Variants in EP400 observed in about 807,000 individuals in gnomAD.
EP400 encodes E1A binding protein p400, also known as E1A-binding protein p400.
In EP400, 105 loss-of-function variants were observed where a neutral mutation model predicts 354.1. The ratio of observed to expected loss-of-function variants is 0.30; its 90% confidence interval spans 0.25 to 0.35. The LOEUF (loss-of-function observed/expected upper bound fraction) is 0.35, where lower values mean the gene tolerates loss of function less well. Ranked by LOEUF, EP400 falls within the 10% of genes least tolerant of loss-of-function variation. The pLI, the probability that EP400 is intolerant of heterozygous loss-of-function variation, is 1.00. For missense variants in EP400, 3,280 were observed against 4,121.0 expected (o/e 0.80, Z 5.59); for synonymous variants, 1,646 against 1,716.9 (o/e 0.96, Z 1.02).
chr12:131,967,425 T>C (rs541360522), intron 2 of EP400, among the ~76,000 whole-genome samples: 1 of 151,062 alleles, frequency 6.6e-6, no homozygotes, highest in African/African-American at 2.4e-5. Context: ...CAGTGGCTCA[T>C]GCCTGTAATC....
Position 132,006,293 on chromosome 12 carries a change from C to G in EP400, c.3117C>G (p.Val1039=), listed in dbSNP as rs1051046685. Reference sequence around the variant, plus strand: ...TCCTGCCGAAGGGCAGTGCTCGGGTCACAACCTCGGTGAGGCGCTAAGCTT... The same window carrying G: ...TCCTGCCGAAGGGCAGTGCTCGGGTGACAACCTCGGTGAGGCGCTAAGCTT... ...EAILPKGSAR[V]TTSVKFNAPS... The change falls in exon 14 of 53, where the codon GTC becomes GTG. Residue 1039 remains valine (V), a synonymous_variant. Coordinates refer to ENST00000389561, the MANE Select transcript of EP400 (RefSeq NM_015409.5). The G allele has an allele frequency of 1.1e-5, 17 of 1,613,954 alleles. No individual in the cohort carries two copies. Among genetic ancestry groups the G allele is most frequent in the Non-Finnish European group, 1.4e-5 (16 of 1,179,970 alleles).
At position 132,029,407 on chromosome 12, in the gene EP400, G is replaced by A. The variant is rs1894411762; in HGVS notation, c.5382-294G>A. On this transcript the variant is annotated intron_variant, in intron 27 of 52. Transcript: ENST00000389561. The surrounding 1 kb of genome is among the most constrained non-coding windows in gnomAD (Gnocchi z 4.7). ...GCTGAAGACACACTAGAAAGAGAAT[G>A]GCTTATCTCTGACCTGGTGCCTGCG... The A allele has an allele frequency of 1.2e-5, 6 of 480,428 alleles. No individual in the cohort carries two copies. The highest frequency in any genetic ancestry group is 2.2e-5 in the Non-Finnish European group (6 of 268,462). The allele number at this position is 480,428 out of a possible 1,614,324, so 29.8% of individuals were successfully genotyped here. A position where few individuals can be genotyped will look rare whatever the true frequency, so the allele number is the denominator to read the frequency against.
intron 2 of EP400, among the ~76,000 whole-genome samples, chr12:131,975,163 C>T (rs79504895): frequency 1.4e-3 from 211 of 152,212 alleles, no homozygotes; most frequent in African/African-American, 4.9e-3. Flanking sequence ...TGTCCTGAGT[C>T]CTCTGGGAAG....
At chr12:132,064,568 T>C (rs1895824438) in intron 47 of EP400, 100 bp from the exon 48 acceptor site, 1 of 1,470,040 alleles carries the variant, frequency 6.8e-7, no homozygotes, top group Non-Finnish European at 9.1e-7. Flanking sequence ...TCTGCTTTGG[T>C]ATTTAATGGG....
chr12:131,963,578 C>T, intron 2 of EP400: 1 of 1,598,490 alleles, frequency 6.3e-7, no homozygotes, highest in Non-Finnish European at 8.5e-7. Flanking sequence ...ACTCCCGTTG[C>T]TATAGCAACC....
intron 51 of EP400, among the ~76,000 whole-genome samples, chr12:132,074,724 A>G (rs1257028081): frequency 1.3e-5 from 2 of 151,870 alleles, no homozygotes; most frequent in East Asian, 3.9e-4. Context: ...TCAGTCACTC[A>G]TTTTTCCCTT....
At chr12:131,988,204 T>A (rs1274543022) in intron 7 of EP400, among the ~76,000 whole-genome samples, 1 of 152,060 alleles carries the variant, frequency 6.6e-6, no homozygotes, top group East Asian at 1.9e-4. Flanking sequence ...CTGTGAAGTC[T>A]GGGAAGGATA....
chr12:132,060,619 T>C (rs1220179782), intron 45 of EP400, among the ~76,000 whole-genome samples: 1 of 152,030 alleles, frequency 6.6e-6, no homozygotes, highest in Non-Finnish European at 1.5e-5. Context: ...CTTGGAGATA[T>C]CTTAAAGAAC....
rs768590724 is a variant in EP400, at chr12:132,062,500, A to T, written c.8133A>T (p.Thr2711=). 1.9e-6 allele frequency: 3 copies of T among 1,612,356 alleles called. No individual in the cohort carries two copies. In the South Asian group the frequency reaches 3.3e-5, roughly 18 times the overall value. Residue 2711 remains threonine, a synonymous_variant, in exon 47 of 53, where the codon ACA becomes ACT. Coordinates refer to ENST00000389561, the MANE Select transcript of EP400 (RefSeq NM_015409.5). ...TTCAGCTCCCTGGAAAAACCATCAC[A>T]CCTGCACATTTCCAGCTTCTCAGGC... is the stretch of plus-strand genomic sequence containing the variant. ...TGVQLPGKTI[T]PAHFQLLRQQ... is the part of the protein sequence containing the mutation.
chr12:131,972,762 C>T (rs1206032056), intron 2 of EP400, among the ~76,000 whole-genome samples: 1 of 126,358 alleles, frequency 7.9e-6, no homozygotes, highest in Admixed American at 9.3e-5. Flanking sequence ...GACGGAGTCT[C>T]GCTCTGTTGT....
chr12:132,021,431 C>T lies in EP400; in HGVS notation c.4690+110C>T, dbSNP rs898923161. ...TTGCTGTCCACTCCTTTGTCTTTCC[C>T]CAGCCCCATGCCCGGTGCTGCCTCT... On this transcript the variant is annotated intron_variant, in intron 23 of 52. Transcript: ENST00000389561. 5.1e-6 allele frequency: 7 copies of T among 1,384,274 alleles called. No individual in the cohort carries two copies. In the South Asian group the frequency reaches 9.3e-5, roughly 18 times the overall value. 85.7% of individuals were successfully genotyped at this position (1,384,274 alleles called of 1,614,324 possible).
intron 1 of EP400, among the ~76,000 whole-genome samples, chr12:131,950,358 G>T (rs1293211685): frequency 6.6e-6 from 1 of 152,124 alleles, no homozygotes; most frequent in Admixed American, 6.5e-5. Context: ...GGCGTTGCGG[G>T]AACCGGGGGA....
At chr12:131,958,815 C>T (rs535980135) in intron 1 of EP400, among the ~76,000 whole-genome samples, 3 of 152,302 alleles carry the variant, frequency 2.0e-5, no homozygotes, top group African/African-American at 7.2e-5. Context: ...GCCACCATGC[C>T]TGGCCATTTT....
rs528118605 is a variant in EP400 at position 132,017,271 on chromosome 12, G to T, written c.3924-264G>T. On this transcript the variant is annotated intron_variant, in intron 19 of 52. Coordinates refer to ENST00000389561, the MANE Select transcript of EP400 (RefSeq NM_015409.5). This position sits in a 1 kb window ranked among gnomAD's most constrained non-coding sequence, Gnocchi z 5.0. ...CCCCCACTTCTCTTTCAGAGCACTC[G>T]GTATGATTGTGAATGAAGTGGAGTG... Among the ~76,000 whole-genome samples, 1 of 152,226 alleles carries T rather than the reference G, an allele frequency of 6.6e-6. No individual in the cohort carries two copies. The highest frequency in any genetic ancestry group is 1.5e-5 in the Non-Finnish European group (1 of 68,044).
intron 24 of EP400, among the ~76,000 whole-genome samples, chr12:132,024,169 C>T (rs1379785404): frequency 1.3e-5 from 2 of 152,340 alleles, no homozygotes; most frequent in Admixed American, 6.5e-5. Flanking sequence ...ACTTTCGTTA[C>T]CAGCATCTGC....
rs749638258 is a variant in EP400, at chr12:132,064,901, CTGTT to C, written c.8553+21_8553+24del. On this transcript the variant is annotated intron_variant, in intron 48 of 52. Transcript: ENST00000389561. ...TGGCCCGGCTCGTAAGTGTCAGTTTCTGTTTGTTTTCCAAAAGCAGCATCTTTTT... is the reference window on the plus strand; with the variant it reads ...TGGCCCGGCTCGTAAGTGTCAGTTTCTGTTTTCCAAAAGCAGCATCTTTTT... The C allele has an allele frequency of 3.8e-6, 6 of 1,589,102 alleles. No homozygotes were observed. The Admixed American group carries it at 7.1e-5, about 19-fold the overall frequency.
At position 132,023,806 on chromosome 12, in the gene EP400, G is replaced by A. The variant is rs761973569; in HGVS notation, c.4720G>A (p.Ala1574Thr). 1.2e-6 allele frequency: 2 copies of A among 1,613,466 alleles called. No individual in the cohort carries two copies. The highest frequency in any genetic ancestry group is 1.7e-6 in the Non-Finnish European group (2 of 1,179,824). ...AGAGGTAGTGAAAATAGCTCAGCTG[G>A]CATCCATCACAGGACCACAGAGCCG... The part of the protein sequence containing the change: ...SGEVVKIAQL[A>T]SITGPQSRVA... Residue 1574 changes from alanine to threonine, a missense_variant, in exon 24 of 53, where the codon GCA becomes ACA. Ala to Thr is a moderately conservative substitution (Grantham distance 58). Around this residue, in one of 20 missense-constraint regions of EP400, gnomAD observed 342 missense variants for 342.7 expected, o/e 1.00. Transcript: ENST00000389561.
At chr12:131,980,999 A>G (rs1892662885) in intron 3 of EP400, among the ~76,000 whole-genome samples, 1 of 152,138 alleles carries the variant, frequency 6.6e-6, no homozygotes, top group African/African-American at 2.4e-5. Context: ...GTTCTTTCAC[A>G]TTTTGATCGT....
chr12:132,029,471 A>G lies in EP400; in HGVS notation c.5382-230A>G. On this transcript the variant is annotated intron_variant, in intron 27 of 52. Coordinates refer to ENST00000389561, the MANE Select transcript of EP400 (RefSeq NM_015409.5). The surrounding 1 kb of genome is among the most constrained non-coding windows in gnomAD (Gnocchi z 4.7). Reference sequence around the variant, plus strand: ...ACCCCCATTGATCCATCAGCCCTGGACTGTCTGAATTAGTCCCCGAGGTGG... The same window carrying G: ...ACCCCCATTGATCCATCAGCCCTGGGCTGTCTGAATTAGTCCCCGAGGTGG... The G allele has an allele frequency of 5.1e-6, 3 of 593,642 alleles. No homozygotes were observed. The highest frequency in any genetic ancestry group is 9.0e-6 in the Non-Finnish European group (3 of 333,328). The allele number at this position is 593,642 out of a possible 1,614,324, so 36.8% of individuals were successfully genotyped here.
Sources: gnomAD v4.1 joint callset for allele counts (sites outside exome capture counted in the v4.1 genomes callset) on GRCh38, gnomAD v4.1.1 for gene constraint, gnomAD v4.1.1 regional missense constraint, Gnocchi (gnomAD v3.1) non-coding constraint, MANE v1.5 for transcripts, NCBI Gene and HGNC (gene_info 2026-07-23, HGNC 2026-07-21) for gene names.